EZH2: variants seen among roughly 807,000 people sequenced by gnomAD.
EZH2 encodes histone-lysine N-methyltransferase EZH2.
A neutral mutation model predicts 98.4 loss-of-function variants in EZH2; 18 were observed. The observed-to-expected ratio is 0.18, with a 90% CI of 0.13 to 0.27. The LOEUF is 0.27. Ranked by LOEUF, EZH2 falls within the 10% of genes least tolerant of loss-of-function variation. The pLI, the probability that EZH2 is intolerant of heterozygous loss-of-function variation, is 1.00. For synonymous variants in EZH2, 338 were observed against 312.3 expected (o/e 1.08, Z -0.87); for missense variants, 470 against 935.1 (o/e 0.50, Z 6.49).
At chr7:148,811,838 C>T (rs931737194) in intron 15 of EZH2, 118 bp from the exon 16 acceptor site, 1 of 817,904 alleles carries the variant, frequency 1.2e-6, no homozygotes, top group South Asian at 1.7e-5. Flanking sequence ...CCTGTTTGTT[C>T]TAAGGCAGTA....
At chr7:148,880,318 T>C (rs1820778511) in intron 1 of EZH2, among the ~76,000 whole-genome samples, 1 of 152,206 alleles carries the variant, frequency 6.6e-6, no homozygotes, top group Admixed American at 6.5e-5. Flanking sequence ...ACACTGTCGC[T>C]ACATCCTTCA....
At chr7:148,850,119 C>A (rs747072565) in intron 1 of EZH2, among the ~76,000 whole-genome samples, 2 of 152,022 alleles carry the variant, frequency 1.3e-5, no homozygotes, top group Non-Finnish European at 2.9e-5. Flanking sequence ...CCCGGGTTCA[C>A]GCCATTCTCC....
In EZH2 at chr7:148,817,860, T is replaced by C; in HGVS notation, c.1240+17A>G. 1 of 1,614,192 alleles carries C rather than the reference T, an allele frequency of 6.2e-7. No homozygotes were observed. The highest frequency in any genetic ancestry group is 8.5e-7 in the Non-Finnish European group (1 of 1,180,034). On this transcript the variant is annotated intron_variant, in intron 10 of 19. Coordinates refer to ENST00000320356, the MANE Select transcript of EZH2 (RefSeq NM_004456.5). Reference sequence around the variant, plus strand: ...CTTTCACAGAACAGTAAAACCCAGTTATTAGACGTGTCTTACCAGAGGAGC... The same window carrying C: ...CTTTCACAGAACAGTAAAACCCAGTCATTAGACGTGTCTTACCAGAGGAGC...
At chr7:148,872,948 A>G (rs1488709857) in intron 1 of EZH2, among the ~76,000 whole-genome samples, 1 of 152,146 alleles carries the variant, frequency 6.6e-6, no homozygotes, top group Non-Finnish European at 1.5e-5. Flanking sequence ...CAAGCCTATA[A>G]TCCCAGCTTT....
intron 1 of EZH2, among the ~76,000 whole-genome samples, chr7:148,849,559 T>G (rs1046517165): frequency 2.0e-5 from 3 of 152,162 alleles, no homozygotes; most frequent in Non-Finnish European, 4.4e-5. Flanking sequence ...AGTGTGGCCT[T>G]GCCTGCGAGT....
chr7:148,825,840 G>A (rs972280024), intron 8 of EZH2, among the ~76,000 whole-genome samples: 1 of 152,140 alleles, frequency 6.6e-6, no homozygotes, highest in African/African-American at 2.4e-5. Flanking sequence ...AAAAGTAGTT[G>A]ACGCTTTTAA....
intron 3 of EZH2, among the ~76,000 whole-genome samples, chr7:148,845,285 A>G (rs1435480551): frequency 6.6e-6 from 1 of 152,230 alleles, no homozygotes; most frequent in Non-Finnish European, 1.5e-5. Flanking sequence ...CCCTTTAAGA[A>G]CGTTCTGATG....
intron 14 of EZH2, among the ~76,000 whole-genome samples, chr7:148,814,450 C>G (rs559777673): frequency 6.6e-6 from 1 of 152,212 alleles, no homozygotes; most frequent in East Asian, 1.9e-4. Flanking sequence ...GCCCCTAGTT[C>G]TAAACACTCC....
chr7:148,859,968 T>G (rs1457201415), intron 1 of EZH2, among the ~76,000 whole-genome samples: 1 of 152,152 alleles, frequency 6.6e-6, no homozygotes, highest in African/African-American at 2.4e-5. Flanking sequence ...AAAACATATT[T>G]ATGCAAATAG....
intron 1 of EZH2, among the ~76,000 whole-genome samples, chr7:148,868,453 C>G (rs879311833): frequency 3.9e-5 from 6 of 152,070 alleles, no homozygotes; most frequent in South Asian, 2.1e-4. Flanking sequence ...CCAGATCTCA[C>G]GAGAACTCAC....
chr7:148,815,037 C>A lies in EZH2; in HGVS notation c.1549G>T (p.Gly517Cys). The A allele has an allele frequency of 1.2e-6, 2 of 1,613,352 alleles. No individual in the cohort carries two copies. Among genetic ancestry groups the A allele is most frequent in the African/African-American group, 2.7e-5 (2 of 75,004 alleles). ...HCRKIQLKKDGSSNHVYNYQP... is the reference protein window; with the variant it reads ...HCRKIQLKKDCSSNHVYNYQP... The stretch of plus-strand genomic sequence containing the variant: ...TAGTTGTAAACATGGTTAGAGGAGC[C>A]GTCTGAGTAAAGATAACATCATGCA... Residue 517 changes from glycine (G) to cysteine (C), a missense_variant and splice_region_variant, in exon 14 of 20, where the codon GGC becomes TGC. Physicochemically the swap from Gly to Cys is radical, Grantham distance 159 (BLOSUM62 -3). Transcript: ENST00000320356.
At chr7:148,875,726 C>G (rs1820079714) in intron 1 of EZH2, among the ~76,000 whole-genome samples, 1 of 152,160 alleles carries the variant, frequency 6.6e-6, no homozygotes, top group Admixed American at 6.5e-5. Context: ...TCAATATTTA[C>G]CACTAAAACA....
intron 1 of EZH2, among the ~76,000 whole-genome samples, chr7:148,850,667 G>T (rs777570126): frequency 2.0e-5 from 3 of 152,088 alleles, no homozygotes; most frequent in Non-Finnish European, 4.4e-5. Flanking sequence ...TGCTTCAACA[G>T]CAAGAACCAC....
At chr7:148,836,897 G>A (rs1219549622) in intron 3 of EZH2, 4 of 512,424 alleles carry the variant, frequency 7.8e-6, no homozygotes, top group Non-Finnish European at 1.5e-5. Flanking sequence ...GCCAAAAATA[G>A]TAGTTGTAGG....
Position 148,846,878 on chromosome 7 carries a change from G to A in EZH2, c.118-280C>T, listed in dbSNP as rs1015003192. 8.5e-5 allele frequency among the ~76,000 whole-genome samples: 8 copies of A among 94,002 alleles called. No homozygotes were observed. In the South Asian group the frequency reaches 1.3e-3, roughly 15 times the overall value. The allele number at this position is 94,002 out of a possible 152,430, so 61.7% of individuals were successfully genotyped here. ...TGTGTGTGTGTGTGTGTGTGTGTGT[G>A]TGTGTATTTTTTTTTTTAATCACAA... On this transcript the variant is annotated intron_variant, in intron 2 of 19. Coordinates refer to ENST00000320356, the MANE Select transcript of EZH2 (RefSeq NM_004456.5).
At chr7:148,869,573 A>G (rs112947888) in intron 1 of EZH2, among the ~76,000 whole-genome samples, 3,084 of 151,852 alleles carry the variant, frequency 0.02, no homozygotes, top group African/African-American at 0.071. Flanking sequence ...CCTGGGCTCA[A>G]GCAATCCTCC....
At position 148,846,508 on chromosome 7, in the gene EZH2, T is replaced by G; in HGVS notation, c.208A>C (p.Ile70Leu). Residue 70 changes from isoleucine to leucine, a missense_variant, in exon 3 of 20, where the codon ATC (isoleucine) becomes CTC (leucine). Around this residue, in one of 6 missense-constraint regions of EZH2, gnomAD observed 79 missense variants for 122.1 expected, o/e 0.65. Coordinates refer to ENST00000320356, the MANE Select transcript of EZH2 (RefSeq NM_004456.5). ...WKQRRIQPVHILTSVSSLRGT... is the reference protein window; with the variant it reads ...WKQRRIQPVHLLTSVSSLRGT... Reference sequence around the variant, plus strand: ...CGCAATGAGCTCACAGAAGTCAGGATGTGCACAGGCTGTATCCTTCGCTGT... The same window carrying G: ...CGCAATGAGCTCACAGAAGTCAGGAGGTGCACAGGCTGTATCCTTCGCTGT... 15 of 1,613,954 alleles carry G rather than the reference T, an allele frequency of 9.3e-6. No individual in the cohort carries two copies. Among genetic ancestry groups the G allele is most frequent in the Non-Finnish European group, 1.3e-5 (15 of 1,179,906 alleles).
intron 1 of EZH2, among the ~76,000 whole-genome samples, chr7:148,863,766 A>G (rs1014723128): frequency 6.6e-6 from 1 of 152,226 alleles, no homozygotes; most frequent in African/African-American, 2.4e-5. Flanking sequence ...GCTAGAAGAA[A>G]CTTCTGTTGA....
intron 1 of EZH2, among the ~76,000 whole-genome samples, chr7:148,851,046 G>A (rs964687880): frequency 1.3e-5 from 2 of 151,982 alleles, no homozygotes; most frequent in South Asian, 2.1e-4. Context: ...GGGGTGGGGC[G>A]GCTATAGACT....
Sources: gnomAD v4.1 joint callset for allele counts (sites outside exome capture counted in the v4.1 genomes callset) on GRCh38, gnomAD v4.1.1 for gene constraint, gnomAD v4.1.1 regional missense constraint, MANE v1.5 for transcripts, NCBI Gene and HGNC (gene_info 2026-07-23, HGNC 2026-07-21) for gene names.